Variants in BPIFB4 observed in about 807,000 individuals in gnomAD.
BPIFB4 encodes BPI fold containing family B member 4.
A neutral mutation model predicts 69.2 loss-of-function variants in BPIFB4; 62 were observed. That is an observed-to-expected ratio of 0.90 (90% CI 0.73 to 1.11). The LOEUF is 1.11. Ranked by LOEUF, BPIFB4 falls within the 50% of genes least tolerant of loss-of-function variation. The pLI, the probability that BPIFB4 is intolerant of heterozygous loss-of-function variation, is 0.00. For synonymous variants in BPIFB4, 330 were observed against 332.7 expected (o/e 0.99, Z 0.09); for missense variants, 789 against 792.0 (o/e 1.00, Z 0.04).
At chr20:33,098,570 C>T (rs1981821720) in intron 13 of BPIFB4, among the ~76,000 whole-genome samples, 1 of 151,968 alleles carries the variant, frequency 6.6e-6, no homozygotes, top group African/African-American at 2.4e-5. Context: ...CATGGTGAAA[C>T]TCTGCCTCTA....
chr20:33,083,400 T>G lies in BPIFB4; in HGVS notation c.203T>G (p.Val68Gly). 6.2e-7 allele frequency: 1 copy of G among 1,613,334 alleles called. No individual in the cohort carries two copies. The highest frequency in any genetic ancestry group is 8.5e-7 in the Non-Finnish European group (1 of 1,179,616). ...VGDIPYNDFHVRGPPPVYTNG... is the reference protein window; with the variant it reads ...VGDIPYNDFHGRGPPPVYTNG... ...GATATTCCCTACAATGACTTCCATG[T>G]CCGAGGACCCCCCCCAGTATATACC... The change falls in exon 5 of 18, where the codon GTC becomes GGC. Residue 68 changes from valine to glycine, a missense_variant. Around this residue, in one of 3 missense-constraint regions of BPIFB4, gnomAD observed 611 missense variants for 575.4 expected, o/e 1.06. Transcript: ENST00000375483.
At chr20:33,092,386 T>C in intron 10 of BPIFB4, 72 bp from the exon 11 acceptor site, 2 of 1,403,582 alleles carry the variant, frequency 1.4e-6, no homozygotes, top group Non-Finnish European at 1.9e-6. Flanking sequence ...ATTCAGGGCC[T>C]CACTCCAGCC....
chr20:33,089,050 G>A (rs1981519825), intron 8 of BPIFB4, 21 bp downstream of exon 8: 1 of 1,613,780 alleles, frequency 6.2e-7, no homozygotes. Flanking sequence ...GTCCCAGTAT[G>A]GGAGCAAGGG....
rs1455964834 is a variant in BPIFB4 at position 33,097,746 on chromosome 20, C to T, written c.1528C>T (p.Gln510Ter). Residue 510 changes from glutamine to a stop codon, truncating the protein, a stop_gained, in exon 13 of 18, where the codon CAG becomes TAG. Coordinates refer to ENST00000375483, the MANE Select transcript of BPIFB4 (RefSeq NM_182519.3). LOFTEE classifies it high-confidence loss of function. ...VLATAEVMVS[Q>*]PKDLETTICL... ...GGCCACTGCCGAGGTCATGGTCTCCCAGCCCAAAGACCTGGAGACTACCAT... is the reference window on the plus strand; with the variant it reads ...GGCCACTGCCGAGGTCATGGTCTCCTAGCCCAAAGACCTGGAGACTACCAT... 3 of 1,614,056 alleles carry T rather than the reference C, an allele frequency of 1.9e-6. No homozygotes were observed. Among genetic ancestry groups the T allele is most frequent in the Non-Finnish European group, 2.5e-6 (3 of 1,180,008 alleles).
At chr20:33,080,016 A>G (rs1981182617) in intron 1 of BPIFB4, among the ~76,000 whole-genome samples, 1 of 152,218 alleles carries the variant, frequency 6.6e-6, no homozygotes, top group African/African-American at 2.4e-5. Context: ...ATCGGTGCCC[A>G]TCTTTTTAAC....
intron 2 of BPIFB4, among the ~76,000 whole-genome samples, chr20:33,081,223 C>G (rs1019408151): frequency 1.1e-4 from 17 of 152,226 alleles, no homozygotes; most frequent in Non-Finnish European, 2.1e-4. Context: ...ACCCATCTCC[C>G]TGATGCTCAA....
intron 10 of BPIFB4, among the ~76,000 whole-genome samples, 189 bp downstream of exon 10, chr20:33,090,988 C>T (rs1242039857): frequency 6.6e-6 from 1 of 152,228 alleles, no homozygotes; most frequent in East Asian, 1.9e-4. Context: ...CAAATGCTTA[C>T]TGTGTGCCAG....
At chr20:33,106,953 C>A (rs1982075704) in intron 16 of BPIFB4, among the ~76,000 whole-genome samples, 1 of 152,130 alleles carries the variant, frequency 6.6e-6, no homozygotes, top group Non-Finnish European at 1.5e-5. Context: ...AGCCTGTAAT[C>A]CCAACACTTT....
At chr20:33,099,607 C>T (rs1480613898) in intron 13 of BPIFB4, among the ~76,000 whole-genome samples, 1 of 152,202 alleles carries the variant, frequency 6.6e-6, no homozygotes, top group Non-Finnish European at 1.5e-5. Flanking sequence ...CAACCTCTTC[C>T]CTGCCTCCTG....
intron 8 of BPIFB4, among the ~76,000 whole-genome samples, chr20:33,089,265 G>A (rs960417256): frequency 2.2e-4 from 33 of 152,306 alleles, no homozygotes; most frequent in Admixed American, 2.0e-3. Flanking sequence ...TTTGAATCCC[G>A]GCTTGGGCAC....
rs1371926008 is a variant in BPIFB4, at chr20:33,083,866, C to T, written c.669C>T (p.Gly223=). ...GEGGILSTVQ[G]ITGLRIVELT... is the part of the protein sequence containing the mutation. ...GTGGCATCCTCAGCACTGTGCAAGG[C>T]ATCACGGGGTAAGGAGGGGACGGGT... is the stretch of plus-strand genomic sequence containing the variant. The change falls in exon 5 of 18, where the codon GGC becomes GGT. Residue 223 remains glycine (G), a synonymous_variant. Transcript: ENST00000375483. 4 of 1,605,936 alleles carry T rather than the reference C, an allele frequency of 2.5e-6. No homozygotes were observed. The East Asian group carries it at 8.9e-5, about 36-fold the overall frequency.
chr20:33,108,774 CATTATA>C (rs1982150267), intron 17 of BPIFB4, among the ~76,000 whole-genome samples: 2 of 152,220 alleles, frequency 1.3e-5, no homozygotes, highest in South Asian at 4.1e-4. Flanking sequence ...AAGTGTCCAC[CATTATA>C]AATACCATCA....
At position 33,104,821 on chromosome 20, in the gene BPIFB4, G is replaced by A. The variant is rs141439582; in HGVS notation, c.1692G>A (p.Met564Ile). The change falls in exon 16 of 18, where the codon ATG (methionine) becomes ATA (isoleucine). Residue 564 changes from methionine (M) to isoleucine (I), a missense_variant. This residue lies in a region of BPIFB4 where 170 missense variants were observed against 193.6 expected (regional missense o/e 0.88). Coordinates refer to ENST00000375483, the MANE Select transcript of BPIFB4 (RefSeq NM_182519.3). ...SNVGNFDIGL[M>I]EVLVEKIFDL... ...TTCTTCCTCTGCAGATTGGCCTCAT[G>A]GAGGTGCTGGTGGAGAAGATTTTTG... is the stretch of plus-strand genomic sequence containing the variant. 63 of 1,614,134 alleles carry A rather than the reference G, an allele frequency of 3.9e-5. No homozygotes were observed. In the African/African-American group the frequency reaches 7.2e-4, roughly 18 times the overall value.
intron 9 of BPIFB4, among the ~76,000 whole-genome samples, chr20:33,090,423 C>T (rs961974074): frequency 6.6e-6 from 1 of 152,232 alleles, no homozygotes; most frequent in African/African-American, 2.4e-5. Context: ...TCATCAACAT[C>T]CAGGATATTG....
In BPIFB4 at chr20:33,089,510, G is replaced by A. The variant is rs545093997; in HGVS notation, c.1003G>A (p.Val335Met). ...DVLPDLLCPI[V>M]DVVLGLVNDQ... ...TTCTCCCCTGCAGCTCTGCCCCATC[G>A]TGGATGTGGTGCTGGGTCTTGTCAA... Residue 335 changes from valine to methionine, a missense_variant, in exon 9 of 18, where the codon GTG becomes ATG. This residue lies in a region of BPIFB4 where 611 missense variants were observed against 575.4 expected (regional missense o/e 1.06). Coordinates refer to ENST00000375483, the MANE Select transcript of BPIFB4 (RefSeq NM_182519.3). The A allele has an allele frequency of 1.5e-5, 25 of 1,614,222 alleles. No homozygotes were observed. Among genetic ancestry groups the A allele is most frequent in the South Asian group, 9.9e-5 (9 of 91,086 alleles).
At chr20:33,086,208 T>C in intron 7 of BPIFB4, 44 bp downstream of exon 7, 4 of 1,587,140 alleles carry the variant, frequency 2.5e-6, no homozygotes, top group Non-Finnish European at 3.5e-6. Context: ...GTTGCTGGAA[T>C]GGTCTGTCTT....
chr20:33,082,916 T>A (rs768990981), intron 3 of BPIFB4, 22 bp from the exon 4 acceptor site: 1 of 1,606,896 alleles, frequency 6.2e-7, no homozygotes, highest in Non-Finnish European at 8.5e-7. Context: ...AACCCTGGAC[T>A]GATGCCCTTG....
chr20:33,086,490 A>G (rs561886571), intron 7 of BPIFB4, among the ~76,000 whole-genome samples: 2 of 152,178 alleles, frequency 1.3e-5, no homozygotes, highest in African/African-American at 2.4e-5. Flanking sequence ...TGAGACTCAC[A>G]TCTCAGTTCC....
intron 17 of BPIFB4, among the ~76,000 whole-genome samples, chr20:33,108,180 G>A (rs370843072): frequency 2.0e-4 from 31 of 152,018 alleles, no homozygotes; most frequent in African/African-American, 7.3e-4. Context: ...ACTATGCAGG[G>A]GCCTGGGGAT....
Sources: gnomAD v4.1 joint callset for allele counts (sites outside exome capture counted in the v4.1 genomes callset) on GRCh38, gnomAD v4.1.1 for gene constraint, gnomAD v4.1.1 regional missense constraint, MANE v1.5 for transcripts, NCBI Gene and HGNC (gene_info 2026-07-23, HGNC 2026-07-21) for gene names.